The following TECR variants were observed in gnomAD, a reference collection of about 807,000 sequenced individuals.
The protein encoded by TECR is very-long-chain enoyl-CoA reductase.
Under a neutral mutation model 50.6 loss-of-function variants are expected in TECR, and 19 were observed. That is an observed-to-expected ratio of 0.38 (90% CI 0.26 to 0.55). The LOEUF (loss-of-function observed/expected upper bound fraction) is 0.55, where lower values mean the gene tolerates loss of function less well. Among genes scored for constraint, TECR ranks in the 20% least tolerant of loss-of-function variants. The pLI is 0.79. For synonymous variants in TECR, 168 were observed against 163.5 expected (o/e 1.03, Z -0.21); for missense variants, 313 against 408.3 (o/e 0.77, Z 2.01).
At chr19:14,542,165 A>G (rs947985625) in intron 1 of TECR, among the ~76,000 whole-genome samples, 4 of 151,814 alleles carry the variant, frequency 2.6e-5, no homozygotes, top group Non-Finnish European at 5.9e-5. Context: ...GGGTCTTGCT[A>G]TATTGCCCAG....
intron 1 of TECR, among the ~76,000 whole-genome samples, chr19:14,540,835 T>TTTTG (rs545326932): frequency 2.0e-5 from 3 of 152,080 alleles, no homozygotes; most frequent in East Asian, 1.9e-4. Context: ...GGCTGCTTTT[T>TTTTG]TTTGTTTGTT....
chr19:14,565,707 C>G, intron 12 of TECR, 37 bp from the exon 13 acceptor site: 1 of 1,611,956 alleles, frequency 6.2e-7, no homozygotes, highest in African/African-American at 1.3e-5. Context: ...CCCCTCCGGG[C>G]CGGCAGCCCC....
chr19:14,548,930 G>A (rs1014859483), intron 1 of TECR, among the ~76,000 whole-genome samples: 3 of 152,092 alleles, frequency 2.0e-5, no homozygotes, highest in Non-Finnish European at 4.4e-5. Flanking sequence ...ATGACATCCA[G>A]TGAGCATGGC....
chr19:14,562,236 C>T lies in TECR; in HGVS notation c.16-289C>T, dbSNP rs181340814. ...GCACAGAAGTCGGCAGTGCCAGGGC[C>T]GGCACGGGCTCCTTTCCAGCACCGC... is the stretch of plus-strand genomic sequence containing the variant. On this transcript the variant is annotated intron_variant, in intron 1 of 12. Transcript: ENST00000215567. 4.9e-3 allele frequency: 2,940 copies of T among 602,442 alleles called. 18 individuals are homozygous for T. The highest frequency in any genetic ancestry group is 7.2e-3 in the Non-Finnish European group (2,456 of 338,916). 37.3% of individuals were successfully genotyped at this position (602,442 alleles called of 1,614,324 possible). A position where few individuals can be genotyped will look rare whatever the true frequency, so the allele number is the denominator to read the frequency against.
chr19:14,537,744 GTTTTTT>G (rs533380690), intron 1 of TECR, among the ~76,000 whole-genome samples: 2 of 126,272 alleles, frequency 1.6e-5, no homozygotes, highest in African/African-American at 5.9e-5. Context: ...AATTATCAGT[GTTTTTT>G]TTTTTTTTTT....
chr19:14,543,953 G>A (rs1157951332), intron 1 of TECR, among the ~76,000 whole-genome samples: 5 of 150,284 alleles, frequency 3.3e-5, no homozygotes, highest in African/African-American at 1.2e-4. Context: ...GGCCAGGCAG[G>A]TCTCGAACTC....
chr19:14,529,480 C>T (rs369455862), upstream of TECR: 58 of 685,334 alleles, frequency 8.5e-5, no homozygotes, highest in African/African-American at 4.6e-4. Flanking sequence ...TGGTGCTAGT[C>T]CTAGTCTTGG....
At chr19:14,556,425 C>CA (rs919208160) in intron 1 of TECR, among the ~76,000 whole-genome samples, 2 of 150,252 alleles carry the variant, frequency 1.3e-5, no homozygotes, top group Non-Finnish European at 3.0e-5. Flanking sequence ...AAAACAAAAA[C>CA]AAAAAAAACC....
intron 1 of TECR, among the ~76,000 whole-genome samples, chr19:14,535,218 T>C (rs748265885): frequency 1.3e-5 from 2 of 151,088 alleles, no homozygotes; most frequent in African/African-American, 4.9e-5. Flanking sequence ...ACTAAAAATA[T>C]AAAAATTGGC....
intron 1 of TECR, among the ~76,000 whole-genome samples, chr19:14,539,273 C>T (rs1016753829): frequency 6.7e-6 from 1 of 150,080 alleles, no homozygotes; most frequent in African/African-American, 2.5e-5. Context: ...GGATTACAGG[C>T]GTGAGCCACC....
intron 1 of TECR, among the ~76,000 whole-genome samples, chr19:14,561,534 T>G (rs1004846332): frequency 2.0e-5 from 3 of 152,110 alleles, no homozygotes; most frequent in Non-Finnish European, 4.4e-5. Flanking sequence ...GCCTGGCTCT[T>G]GGACGCAGGA....
intron 1 of TECR, among the ~76,000 whole-genome samples, chr19:14,538,721 C>T (rs141867014): frequency 0.02 from 2,958 of 150,794 alleles, 81 homozygotes; most frequent in African/African-American, 0.064. Flanking sequence ...TTAGTAGAGA[C>T]GGGGTTTCAG....
chr19:14,559,082 G>A (rs1005375793), intron 1 of TECR, among the ~76,000 whole-genome samples: 3 of 152,156 alleles, frequency 2.0e-5, no homozygotes, highest in African/African-American at 7.2e-5. Context: ...TCCCTCTGAG[G>A]GGTGGGGAAC....
chr19:14,565,490 C>T lies in TECR; in HGVS notation c.754-128C>T, dbSNP rs1017046409. The T allele has an allele frequency of 1.4e-5, 20 of 1,455,652 alleles. No homozygotes were observed. In the African/African-American group the frequency reaches 2.8e-4, roughly 20 times the overall value. 90.2% of individuals were successfully genotyped at this position (1,455,652 alleles called of 1,614,324 possible). On this transcript the variant is annotated intron_variant, in intron 11 of 12. Transcript: ENST00000215567. ...GCTTCCGCCGTATACAGCCCCGCCTCCGCTGGAATTGGGTTCCCATCCCTG... is the reference window on the plus strand; with the variant it reads ...GCTTCCGCCGTATACAGCCCCGCCTTCGCTGGAATTGGGTTCCCATCCCTG...
intron 1 of TECR, among the ~76,000 whole-genome samples, chr19:14,558,464 C>T (rs1191721794): frequency 6.6e-6 from 1 of 152,182 alleles, no homozygotes; most frequent in Non-Finnish European, 1.5e-5. Context: ...TTGGCTCTGC[C>T]CTGACCTCGT....
chr19:14,543,406 TATATATATATATA>T (rs1190529764), intron 1 of TECR, among the ~76,000 whole-genome samples: 879 of 12,124 alleles, frequency 0.073, 32 homozygotes, highest in South Asian at 0.24. Flanking sequence ...TATATATATA[TATATATATATATA>T]TTTTTTTTTT....
At chr19:14,560,250 C>T (rs1170070971) in intron 1 of TECR, among the ~76,000 whole-genome samples, 1 of 152,206 alleles carries the variant, frequency 6.6e-6, no homozygotes, top group Admixed American at 6.5e-5. Context: ...ACCCCTCCCA[C>T]TAGCAGCTGG....
At chr19:14,534,538 C>T (rs545357062) in intron 1 of TECR, among the ~76,000 whole-genome samples, 55 of 140,036 alleles carry the variant, frequency 3.9e-4, no homozygotes, top group African/African-American at 1.1e-3. Context: ...CCGGTTCAAG[C>T]GATTTTCCTG....
intron 1 of TECR, among the ~76,000 whole-genome samples, chr19:14,557,760 TA>T (rs1380465139): frequency 6.7e-6 from 1 of 149,754 alleles, no homozygotes; most frequent in Non-Finnish European, 1.5e-5. Context: ...TCATCATATT[TA>T]TTCTTTTTTT....
Sources: allele counts gnomAD v4.1 joint callset (sites outside exome capture counted in the v4.1 genomes callset), GRCh38; gene constraint gnomAD v4.1.1; transcripts MANE v1.5; gene names NCBI Gene and HGNC (gene_info 2026-07-23, HGNC 2026-07-21).